Variants in PARN observed in about 807,000 individuals in gnomAD.
The protein encoded by PARN is poly(A)-specific ribonuclease PARN.
PARN carries 71 observed loss-of-function variants against 102.8 expected under a neutral mutation model. The ratio of observed to expected loss-of-function variants is 0.69; its 90% CI spans 0.57 to 0.84. The LOEUF is 0.84. PARN is among the 40% of genes least tolerant of loss of function. The pLI, the probability that PARN is intolerant of heterozygous loss-of-function variation, is 0.00. For synonymous variants in PARN, 261 were observed against 252.9 expected (o/e 1.03, Z -0.30); for missense variants, 782 against 760.9 (o/e 1.03, Z -0.33).
At chr16:14,477,379 T>C (rs1963118235) in intron 22 of PARN, among the ~76,000 whole-genome samples, 1 of 149,148 alleles carries the variant, frequency 6.7e-6, no homozygotes, top group Admixed American at 6.7e-5. Flanking sequence ...AGTTGGAGGT[T>C]ACAGTGAGCC....
chr16:14,594,859 C>T (rs1596792879), intron 12 of PARN, among the ~76,000 whole-genome samples: 1 of 152,212 alleles, frequency 6.6e-6, no homozygotes, highest in East Asian at 1.9e-4. Context: ...AGAAGCTGTC[C>T]TTTTGGCTCA....
At chr16:14,629,836 G>T (rs1368606175) in intron 1 of PARN, among the ~76,000 whole-genome samples, 162 bp from the exon 2 acceptor site, 1 of 152,224 alleles carries the variant, frequency 6.6e-6, no homozygotes, top group African/African-American at 2.4e-5. Context: ...GGGGTGCATG[G>T]GTCAGGGGGG....
rs145062547 is a variant in PARN at position 14,500,519 on chromosome 16, G to A, written c.1481-17692C>T. Among the ~76,000 whole-genome samples the A allele has an allele frequency of 5.5e-3, 830 of 152,090 alleles. 5 individuals carry two copies. The highest frequency in any genetic ancestry group is 7.6e-3 in the Non-Finnish European group (517 of 67,990). On this transcript the variant is annotated intron_variant, in intron 21 of 23. Transcript: ENST00000437198. ...ACTCCTGGACTCAAGCAACCCTCCC[G>A]AGCAGCCAGGGCTATAGGCACGTGC...
chr16:14,532,771 C>A (rs550084552), intron 21 of PARN, among the ~76,000 whole-genome samples: 1 of 150,898 alleles, frequency 6.6e-6, no homozygotes, highest in Non-Finnish European at 1.5e-5. Flanking sequence ...GACCCCCCCA[C>A]CTCCCTCCTG....
intron 13 of PARN, among the ~76,000 whole-genome samples, chr16:14,592,942 C>T (rs951140071): frequency 6.6e-6 from 1 of 152,094 alleles, no homozygotes; most frequent in East Asian, 1.9e-4. Flanking sequence ...TCGAGAACAA[C>T]CTGGCCAATA....
intron 16 of PARN, among the ~76,000 whole-genome samples, chr16:14,583,795 G>C (rs1969671854): frequency 1.3e-5 from 2 of 152,126 alleles, no homozygotes. Flanking sequence ...CACCTGGTAG[G>C]CTCTCCACAT....
At chr16:14,596,013 C>T (rs2151772047) in intron 12 of PARN, among the ~76,000 whole-genome samples, 1 of 152,236 alleles carries the variant, frequency 6.6e-6, no homozygotes, top group South Asian at 2.1e-4. Flanking sequence ...CAGAGAGACA[C>T]AGAAATATAG....
At chr16:14,495,083 C>A (rs1176549081) in intron 21 of PARN, among the ~76,000 whole-genome samples, 2 of 152,070 alleles carry the variant, frequency 1.3e-5, no homozygotes, top group East Asian at 3.9e-4. Context: ...CTTAGGAGCA[C>A]CGGCCTTTAA....
intron 22 of PARN, among the ~76,000 whole-genome samples, chr16:14,460,981 C>T (rs1222320542): frequency 6.6e-5 from 10 of 152,200 alleles, no homozygotes; most frequent in Admixed American, 6.5e-4. Context: ...TGAAGGTTAA[C>T]ATCCCAAGTG....
At chr16:14,566,630 C>G (rs1429622956) in intron 18 of PARN, among the ~76,000 whole-genome samples, 1 of 152,200 alleles carries the variant, frequency 6.6e-6, no homozygotes, top group East Asian at 1.9e-4. Context: ...ATCCAATACC[C>G]TACTACAGAG....
intron 18 of PARN, among the ~76,000 whole-genome samples, chr16:14,574,666 T>C (rs1368969910): frequency 2.6e-5 from 4 of 152,044 alleles, no homozygotes; most frequent in African/African-American, 4.8e-5. Flanking sequence ...TGAGCCGAGA[T>C]TGTGCCACTG....
intron 22 of PARN, among the ~76,000 whole-genome samples, chr16:14,456,551 C>A (rs1320328985): frequency 2.0e-5 from 3 of 152,062 alleles, no homozygotes; most frequent in Non-Finnish European, 4.4e-5. Context: ...AATAACAGTA[C>A]CCTTTCATTT....
chr16:14,596,449 A>T (rs1970517866), intron 12 of PARN, among the ~76,000 whole-genome samples: 1 of 152,090 alleles, frequency 6.6e-6, no homozygotes, highest in Non-Finnish European at 1.5e-5. Context: ...TAAACAAGGG[A>T]AAGGGCTGGG....
At chr16:14,485,504 C>T (rs1290678581) in intron 21 of PARN, among the ~76,000 whole-genome samples, 1 of 152,126 alleles carries the variant, frequency 6.6e-6, no homozygotes. Flanking sequence ...GTGGTGATTT[C>T]GCTGTAAGCT....
Position 14,617,382 on chromosome 16 carries a change from CAA to C in PARN, c.388+206_388+207del, listed in dbSNP as rs66483121. On this transcript the variant is annotated intron_variant, in intron 6 of 23. Transcript: ENST00000437198. ...CTGGGCAACAGAGCGAGACTCTTCT[CAA>C]AAAAAAAAAAAAAAAAAAAATCACA... 0.053 allele frequency among the ~76,000 whole-genome samples: 4,850 copies of C among 91,886 alleles called. 73 individuals carry two copies. The highest frequency in any genetic ancestry group is 0.065 in the African/African-American group (1,504 of 23,058). 60.3% of individuals were successfully genotyped at this position (91,886 alleles called of 152,430 possible).
chr16:14,464,955 A>G (rs1348666719), intron 22 of PARN, among the ~76,000 whole-genome samples: 2 of 152,234 alleles, frequency 1.3e-5, no homozygotes, highest in African/African-American at 4.8e-5. Context: ...GCCATAAGAC[A>G]TGGTTGACTC....
intron 21 of PARN, among the ~76,000 whole-genome samples, chr16:14,487,219 G>A (rs1041507929): frequency 6.6e-6 from 1 of 152,242 alleles, no homozygotes; most frequent in Non-Finnish European, 1.5e-5. Context: ...AAACTAAACA[G>A]CTTGCCTGAG....
chr16:14,580,046 A>C (rs2151747688), intron 18 of PARN, among the ~76,000 whole-genome samples: 1 of 152,150 alleles, frequency 6.6e-6, no homozygotes, highest in South Asian at 2.1e-4. Flanking sequence ...TCTACAGCAA[A>C]GGCTACATTT....
At chr16:14,438,442 G>GGA (rs1014032129) in intron 23 of PARN, among the ~76,000 whole-genome samples, 1 of 57,308 alleles carries the variant, frequency 1.7e-5, no homozygotes, top group African/African-American at 5.9e-5. Context: ...GCCATTAGTT[G>GGA]GGGGGGGGGG....
Sources: allele counts gnomAD v4.1 joint callset (sites outside exome capture counted in the v4.1 genomes callset), GRCh38; gene constraint gnomAD v4.1.1; transcripts MANE v1.5; gene names NCBI Gene and HGNC (gene_info 2026-07-23, HGNC 2026-07-21).